Variants in LUC7L3 observed in about 807,000 individuals in gnomAD.
The protein encoded by LUC7L3 is LUC7 like 3 pre-mRNA splicing factor.
Under a neutral mutation model 66.8 loss-of-function variants are expected in LUC7L3, and 6 were observed. The ratio of observed to expected loss-of-function variants is 0.09; its 90% CI spans 0.05 to 0.18. The LOEUF (loss-of-function observed/expected upper bound fraction) is 0.18, where lower values mean the gene tolerates loss of function less well. Ranked by LOEUF, LUC7L3 falls within the 10% of genes least tolerant of loss-of-function variation. The pLI, the probability that LUC7L3 is intolerant of heterozygous loss-of-function variation, is 1.00. For missense variants in LUC7L3, 341 were observed against 531.1 expected (o/e 0.64, Z 3.52); for synonymous variants, 160 against 174.7 (o/e 0.92, Z 0.66).
intron 6 of LUC7L3, among the ~76,000 whole-genome samples, chr17:50,744,275 T>C (rs1970528404): frequency 6.6e-6 from 1 of 152,244 alleles, no homozygotes; most frequent in Non-Finnish European, 1.5e-5. Flanking sequence ...ATAGGATATG[T>C]TCAGATTATA....
chr17:50,743,201 C>CT (rs113857127), intron 5 of LUC7L3, among the ~76,000 whole-genome samples: 3 of 147,624 alleles, frequency 2.0e-5, no homozygotes, highest in Non-Finnish European at 3.0e-5. Context: ...GCTGTCTTTC[C>CT]TTTTTTTTAA....
At position 50,753,285 on chromosome 17, in the gene LUC7L3, G is replaced by GT. The variant is rs755100411; in HGVS notation, c.*2627dup. 4 of 152,596 alleles carry GT rather than the reference G, an allele frequency of 2.6e-5. No homozygotes were observed. Among genetic ancestry groups the GT allele is most frequent in the Non-Finnish European group, 5.9e-5 (4 of 68,042 alleles). 9.5% of individuals were successfully genotyped at this position (152,596 alleles called of 1,614,324 possible). Reference sequence around the variant, plus strand: ...TTATAACTTGCAAATACTGCTATCAGTTTATAGGTAAAGAAACAGTGTGTT... The same window carrying GT: ...TTATAACTTGCAAATACTGCTATCAGTTTTATAGGTAAAGAAACAGTGTGTT... On this transcript the variant is annotated 3_prime_UTR_variant, in exon 10 of 10. Coordinates refer to ENST00000505658, the MANE Select transcript of LUC7L3 (RefSeq NM_016424.5).
Position 50,752,847 on chromosome 17 carries a change from T to C in LUC7L3, c.*2186T>C, listed in dbSNP as rs1310828929. 6.6e-6 allele frequency: 1 copy of C among 152,180 alleles called. No homozygotes were observed. The highest frequency in any genetic ancestry group is 2.4e-5 in the African/African-American group (1 of 41,442). 9.4% of individuals were successfully genotyped at this position (152,180 alleles called of 1,614,324 possible). A position where few individuals can be genotyped will look rare whatever the true frequency, so the allele number is the denominator to read the frequency against. On this transcript the variant is annotated 3_prime_UTR_variant, in exon 10 of 10. Coordinates refer to ENST00000505658, the MANE Select transcript of LUC7L3 (RefSeq NM_016424.5). ...TAAATAATGGTGCTTCAATTTTAGG[T>C]GGTTATGAATAAATTTGAATTTTGC...
chr17:50,751,724 GTCAC>G lies in LUC7L3; in HGVS notation c.*1069_*1072del. ...AGTCAGCCATAGGTATGTAGGAATA[GTCAC>G]TCACTGGCTGATACATTTAAAGCAG... On this transcript the variant is annotated 3_prime_UTR_variant, in exon 10 of 10. Coordinates refer to ENST00000505658, the MANE Select transcript of LUC7L3 (RefSeq NM_016424.5). The G allele has an allele frequency of 9.6e-7, 1 of 1,043,584 alleles. No individual in the cohort carries two copies. Among genetic ancestry groups the G allele is most frequent in the Non-Finnish European group, 1.2e-6 (1 of 864,026 alleles). 64.6% of individuals were successfully genotyped at this position (1,043,584 alleles called of 1,614,324 possible). A position where few individuals can be genotyped will look rare whatever the true frequency, so the allele number is the denominator to read the frequency against.
intron 1 of LUC7L3, among the ~76,000 whole-genome samples, chr17:50,730,604 A>G (rs540606246): frequency 3.4e-4 from 51 of 149,596 alleles, no homozygotes; most frequent in South Asian, 1.3e-3. Context: ...TGTATTGCTT[A>G]GTGTTGGATC....
At chr17:50,725,556 G>A (rs935313223) in intron 1 of LUC7L3, among the ~76,000 whole-genome samples, 12 of 151,928 alleles carry the variant, frequency 7.9e-5, no homozygotes, top group Admixed American at 5.2e-4. Context: ...GAATGTAAAC[G>A]CATTTCCATA....
chr17:50,720,714 A>G (rs1028572565), intron 1 of LUC7L3, among the ~76,000 whole-genome samples: 1 of 152,246 alleles, frequency 6.6e-6, no homozygotes, highest in Non-Finnish European at 1.5e-5. Context: ...ATTTTAAAAC[A>G]ATTGCTAATC....
In LUC7L3 at chr17:50,740,348, A is replaced by G; in HGVS notation, c.206+3A>G. ...CATGATGAAAATCTACGAAAACAGTAAGTTATTTTGCTTGTCATTTCCACC... is the reference window on the plus strand; with the variant it reads ...CATGATGAAAATCTACGAAAACAGTGAGTTATTTTGCTTGTCATTTCCACC... On this transcript the variant is annotated splice_donor_region_variant and intron_variant, in intron 3 of 9. Coordinates refer to ENST00000505658, the MANE Select transcript of LUC7L3 (RefSeq NM_016424.5). 3 of 1,606,210 alleles carry G rather than the reference A, an allele frequency of 1.9e-6. No homozygotes were observed. The highest frequency in any genetic ancestry group is 2.5e-6 in the Non-Finnish European group (3 of 1,176,958).
chr17:50,746,623 A>G lies in LUC7L3; in HGVS notation c.1059A>G (p.Ser353=). 1.9e-6 allele frequency: 3 copies of G among 1,614,162 alleles called. No individual in the cohort carries two copies. In the East Asian group the frequency reaches 6.7e-5, roughly 36 times the overall value. ...CTCGAAGTCGGGATCGAAGAAGATCAAAAAGCCGGGATCGAAAGTCATATA... is the reference window on the plus strand; with the variant it reads ...CTCGAAGTCGGGATCGAAGAAGATCGAAAAGCCGGGATCGAAAGTCATATA... The part of the protein sequence containing the change: ...HRSRSRDRRR[S]KSRDRKSYKH... Residue 353 remains serine, a synonymous_variant, in exon 9 of 10, where the codon TCA becomes TCG. Coordinates refer to ENST00000505658, the MANE Select transcript of LUC7L3 (RefSeq NM_016424.5).
At chr17:50,741,769 A>T (rs754129615) in intron 5 of LUC7L3, 38 bp downstream of exon 5, 1 of 1,503,150 alleles carries the variant, frequency 6.7e-7, no homozygotes, top group Non-Finnish European at 9.3e-7. Context: ...AAGTAATGTG[A>T]AACAGACATG....
Position 50,753,974 on chromosome 17 carries a change from T to G in LUC7L3, c.*3313T>G, listed in dbSNP as rs2143106054. On this transcript the variant is annotated 3_prime_UTR_variant, in exon 10 of 10. Coordinates refer to ENST00000505658, the MANE Select transcript of LUC7L3 (RefSeq NM_016424.5). ...GGACATCTATGACTAAGGCCTGGCT[T>G]TAGTTATGGAGAGAGACGTAGAAGT... 3 of 152,158 alleles carry G rather than the reference T, an allele frequency of 2.0e-5. 1 individual carries two copies. The Middle Eastern group carries it at 0.01, about 518-fold the overall frequency. The allele number at this position is 152,158 out of a possible 1,614,324, so 9.4% of individuals were successfully genotyped here.
At position 50,719,844 on chromosome 17, in the gene LUC7L3, G is replaced by A. The variant is rs750844101; in HGVS notation, c.99+13G>A. 183 of 1,452,856 alleles carry A rather than the reference G, an allele frequency of 1.3e-4. No homozygotes were observed. Among genetic ancestry groups the A allele is most frequent in the Non-Finnish European group, 1.6e-4 (181 of 1,107,834 alleles). 90.0% of individuals were successfully genotyped at this position (1,452,856 alleles called of 1,614,324 possible). A position where few individuals can be genotyped will look rare whatever the true frequency, so the allele number is the denominator to read the frequency against. ...GGACCACGAGAGCGTAAGTCCCGCG[G>A]GCCTTGGCCTGAGCCCGGGCTCCGT... On this transcript the variant is annotated intron_variant, in intron 1 of 9. Transcript: ENST00000505658.
At chr17:50,740,236 T>TG (rs1970263099) in intron 2 of LUC7L3, 70 bp from the exon 3 acceptor site, 8 of 1,079,478 alleles carry the variant, frequency 7.4e-6, no homozygotes, top group Non-Finnish European at 9.5e-6. Context: ...GAAAAATAAC[T>TG]CTTTTTTTTT....
intron 1 of LUC7L3, chr17:50,723,798 G>A (rs921888726): frequency 4.1e-5 from 14 of 338,594 alleles, no homozygotes; most frequent in Admixed American, 1.2e-4. Flanking sequence ...CACCACGCCC[G>A]GCTAATTTTT....
chr17:50,752,349 A>G lies in LUC7L3; in HGVS notation c.*1688A>G. ...TTATTATTATTATTATTAAAAGTTAATTCAGGACTGATGTGACCTACCAGA... is the reference window on the plus strand; with the variant it reads ...TTATTATTATTATTATTAAAAGTTAGTTCAGGACTGATGTGACCTACCAGA... On this transcript the variant is annotated 3_prime_UTR_variant, in exon 10 of 10. Transcript: ENST00000505658. 1.6e-6 allele frequency: 1 copy of G among 635,460 alleles called. No individual in the cohort carries two copies. The highest frequency in any genetic ancestry group is 2.3e-6 in the Non-Finnish European group (1 of 444,066). The allele number at this position is 635,460 out of a possible 1,614,324, so 39.4% of individuals were successfully genotyped here.
rs562202481 is a variant in LUC7L3, at chr17:50,749,491, T to TTC, written c.1139-1006_1139-1005dup. On this transcript the variant is annotated intron_variant, in intron 9 of 9. Transcript: ENST00000505658. ...ATGCTCTTTTACATAAGATCTTCAG[T>TTC]TCTCTGAGTGGGTGCCCCTCCCATA... The TTC allele has an allele frequency of 2.2e-3, 1,402 of 643,740 alleles. 7 individuals carry two copies. Among genetic ancestry groups the TTC allele is most frequent in the Non-Finnish European group, 2.4e-3 (1,080 of 456,324 alleles). The allele number at this position is 643,740 out of a possible 1,614,324, so 39.9% of individuals were successfully genotyped here.
At position 50,719,611 on chromosome 17, in the gene LUC7L3, G is replaced by C. The variant is rs1054932367; in HGVS notation, c.-122G>C. The C allele has an allele frequency of 2.7e-6, 2 of 736,658 alleles. No homozygotes were observed. The highest frequency in any genetic ancestry group is 4.4e-6 in the Non-Finnish European group (2 of 455,174). 45.6% of individuals were successfully genotyped at this position (736,658 alleles called of 1,614,324 possible). On this transcript the variant is annotated 5_prime_UTR_variant, in exon 1 of 10. Coordinates refer to ENST00000505658, the MANE Select transcript of LUC7L3 (RefSeq NM_016424.5). ...CGCGCGGCGGCCATTTTGTCTTGTCGGCTCCTGTGTGTAGGAGGGATTTCG... is the reference window on the plus strand; with the variant it reads ...CGCGCGGCGGCCATTTTGTCTTGTCCGCTCCTGTGTGTAGGAGGGATTTCG...
At chr17:50,742,232 T>TC (rs1360988041) in intron 5 of LUC7L3, among the ~76,000 whole-genome samples, 2 of 152,208 alleles carry the variant, frequency 1.3e-5, no homozygotes, top group African/African-American at 4.8e-5. Context: ...ATTAAACTGA[T>TC]CATACCAGCT....
rs1435699557 is a variant in LUC7L3, at chr17:50,751,570, A to AATT, written c.*911_*913dup. On this transcript the variant is annotated 3_prime_UTR_variant, in exon 10 of 10. Coordinates refer to ENST00000505658, the MANE Select transcript of LUC7L3 (RefSeq NM_016424.5). ...TATGTAGGGCTGCAGTGGTGGCCAG[A>AATT]ATTAGATATCTTTAAAGAATTTTAA... 2.6e-6 allele frequency: 3 copies of AATT among 1,150,704 alleles called. No individual in the cohort carries two copies. The highest frequency in any genetic ancestry group is 3.3e-6 in the Non-Finnish European group (3 of 921,882). 71.3% of individuals were successfully genotyped at this position (1,150,704 alleles called of 1,614,324 possible).
Sources: allele counts gnomAD v4.1 joint callset (sites outside exome capture counted in the v4.1 genomes callset), GRCh38; gene constraint gnomAD v4.1.1; transcripts MANE v1.5; gene names NCBI Gene and HGNC (gene_info 2026-07-23, HGNC 2026-07-21).